The following CHMP1A variants were observed in gnomAD, a reference collection of about 807,000 sequenced individuals.
CHMP1A encodes charged multivesicular body protein 1A, also known as VPS46 homolog A.
A neutral mutation model predicts 27.0 loss-of-function variants in CHMP1A; 17 were observed. The ratio of observed to expected loss-of-function variants is 0.63; its 90% confidence interval spans 0.43 to 0.95. The LOEUF (loss-of-function observed/expected upper bound fraction) is 0.95, where lower values mean the gene tolerates loss of function less well. Among genes scored for constraint, CHMP1A ranks in the 40% least tolerant of loss-of-function variants. The pLI is 0.00. For missense variants in CHMP1A, 275 were observed against 264.0 expected, an observed-to-expected ratio of 1.04 and a Z score of -0.29; for synonymous variants, 131 against 107.5, an observed-to-expected ratio of 1.22 and a Z score of -1.35.
At chr16:89,655,004 C>G (rs930191041) in intron 1 of CHMP1A, among the ~76,000 whole-genome samples, 10 of 152,082 alleles carry the variant, frequency 6.6e-5, no homozygotes, top group Non-Finnish European at 1.3e-4. Flanking sequence ...CATTCAACTG[C>G]TAAATTTGGA....
At chr16:89,653,955 G>T in intron 1 of CHMP1A, 32 bp from the exon 2 acceptor site, 1 of 1,611,514 alleles carries the variant, frequency 6.2e-7, no homozygotes, top group South Asian at 1.1e-5. Flanking sequence ...ATGGTTTGAG[G>T]ATTGGGAATG....
rs950432245 is a variant in CHMP1A at position 89,645,178 on chromosome 16, G to A, written c.*888C>T. On this transcript the variant is annotated 3_prime_UTR_variant, in exon 7 of 7. Coordinates refer to ENST00000397901, the MANE Select transcript of CHMP1A (RefSeq NM_002768.5). ...CACCCAGTTGTTTACAGATGGTAGA[G>A]GGTGACACAGGCAGCATCGTCATGA... 6.6e-6 allele frequency: 1 copy of A among 152,450 alleles called. No homozygotes were observed. Among genetic ancestry groups the A allele is most frequent in the African/African-American group, 2.4e-5 (1 of 41,472 alleles). 9.4% of individuals were successfully genotyped at this position (152,450 alleles called of 1,614,324 possible).
rs767569515 is a variant in CHMP1A at position 89,649,359 on chromosome 16, T to C, written c.244A>G (p.Met82Val). The C allele has an allele frequency of 1.9e-6, 3 of 1,611,962 alleles. No homozygotes were observed. Among genetic ancestry groups the C allele is most frequent in the East Asian group, 4.5e-5 (2 of 44,788 alleles). ...CAGGGCCCAGCACTCACCCCCTTCA[T>C]AGTCACAGCTGTCTGCACCTTGGAG... Reference protein sequence around the residue: ...VASKVQTAVTMKGVTKNMAQV... With the variant: ...VASKVQTAVTVKGVTKNMAQV... Residue 82 changes from methionine to valine, a missense_variant, in exon 4 of 7, where the codon ATG becomes GTG. Transcript: ENST00000397901.
Position 89,646,089 on chromosome 16 carries a change from T to C in CHMP1A, c.570-2A>G. The stretch of plus-strand genomic sequence containing the variant: ...GGCTAGTTCCTCAAGGCGGCCAACC[T>C]GGAAACCAACAACAGGACTCGGGTC... On this transcript the variant is annotated splice_acceptor_variant, in intron 6 of 6. Coordinates refer to ENST00000397901, the MANE Select transcript of CHMP1A (RefSeq NM_002768.5). LOFTEE classifies it high-confidence loss of function. The C allele has an allele frequency of 6.5e-7, 1 of 1,542,268 alleles. No homozygotes were observed. The highest frequency in any genetic ancestry group is 8.7e-7 in the Non-Finnish European group (1 of 1,144,746).
intron 1 of CHMP1A, among the ~76,000 whole-genome samples, chr16:89,654,265 A>G (rs1371423618): frequency 3.9e-5 from 6 of 152,256 alleles, no homozygotes; most frequent in Admixed American, 3.9e-4. Flanking sequence ...GTTAGAATCC[A>G]AAAGATGGTG....
chr16:89,646,031 A>T lies in CHMP1A; in HGVS notation c.*35T>A. The T allele has an allele frequency of 6.2e-7, 1 of 1,602,006 alleles. No individual in the cohort carries two copies. The highest frequency in any genetic ancestry group is 1.3e-5 in the African/African-American group (1 of 74,470). The stretch of plus-strand genomic sequence containing the variant: ...GAGGACAGGAGCCTTCCAGCACATC[A>T]CGGGGCAGAGGCGGTGCACACCGGC... On this transcript the variant is annotated 3_prime_UTR_variant, in exon 7 of 7. Coordinates refer to ENST00000397901, the MANE Select transcript of CHMP1A (RefSeq NM_002768.5).
intron 1 of CHMP1A, 54 bp downstream of exon 1, chr16:89,657,528 A>C (rs2151520649): frequency 6.2e-7 from 1 of 1,602,880 alleles, no homozygotes; most frequent in East Asian, 2.3e-5. Context: ...CGCCAGTGGG[A>C]GAAGCGGCCC....
chr16:89,646,182 G>A lies in CHMP1A; in HGVS notation c.570-95C>T, dbSNP rs966429467. On this transcript the variant is annotated intron_variant, in intron 6 of 6. Transcript: ENST00000397901. ...ACAGGTGACCCTTTTCCTCCTCAGTGTCCTGAGATAACATGAGTGACAGGC... is the reference window on the plus strand; with the variant it reads ...ACAGGTGACCCTTTTCCTCCTCAGTATCCTGAGATAACATGAGTGACAGGC... 23 of 1,163,120 alleles carry A rather than the reference G, an allele frequency of 2.0e-5. No homozygotes were observed. In the Admixed American group the frequency reaches 6.0e-4, roughly 31 times the overall value. 72.0% of individuals were successfully genotyped at this position (1,163,120 alleles called of 1,614,324 possible). A position where few individuals can be genotyped will look rare whatever the true frequency, so the allele number is the denominator to read the frequency against.
chr16:89,645,768 C>T lies in CHMP1A; in HGVS notation c.*298G>A, dbSNP rs115335995. 5.5e-4 allele frequency: 381 copies of T among 698,254 alleles called. 2 individuals carry two copies. The African/African-American group carries it at 6.3e-3, about 12-fold the overall frequency. The allele number at this position is 698,254 out of a possible 1,614,324, so 43.3% of individuals were successfully genotyped here. Reference sequence around the variant, plus strand: ...GTCTGCTGCCCCAGAGTCTGAAGGCCCCCACAGTGCTGGGTGAAAGTCCAC... The same window carrying T: ...GTCTGCTGCCCCAGAGTCTGAAGGCTCCCACAGTGCTGGGTGAAAGTCCAC... On this transcript the variant is annotated 3_prime_UTR_variant, in exon 7 of 7. Transcript: ENST00000397901.
intron 3 of CHMP1A, among the ~76,000 whole-genome samples, chr16:89,651,278 C>T (rs996635340): frequency 2.0e-5 from 3 of 150,812 alleles, no homozygotes; most frequent in African/African-American, 7.3e-5. Flanking sequence ...GGCGAAGGCC[C>T]TAGAATCACT....
At chr16:89,654,924 C>T (rs1009875949) in intron 1 of CHMP1A, among the ~76,000 whole-genome samples, 11 of 149,096 alleles carry the variant, frequency 7.4e-5, no homozygotes, top group African/African-American at 2.7e-4. Context: ...GCCTGGGCAA[C>T]AGTGCAAGAC....
chr16:89,649,313 C>G (rs376164382), intron 4 of CHMP1A, 38 bp downstream of exon 4: 3 of 1,596,438 alleles, frequency 1.9e-6, no homozygotes, highest in African/African-American at 2.7e-5. Flanking sequence ...CTTCAGCCAG[C>G]GAACGCCACC....
rs371305175 is a variant in CHMP1A at position 89,651,593 on chromosome 16, C to G, written c.81G>C (p.Lys27Asn). Residue 27 changes from lysine (K) to asparagine (N), a missense_variant, in exon 3 of 7, where the codon AAG (lysine) becomes AAC (asparagine). By Grantham distance (94) the Lys-to-Asn change is moderately conservative. Coordinates refer to ENST00000397901, the MANE Select transcript of CHMP1A (RefSeq NM_002768.5). ...CCTTCTTCACTTTGGCCTGCTCCGC[C>G]TTGGAGTCCTTCTCCGCCTTCTTGG... is the stretch of plus-strand genomic sequence containing the variant. ...KLAKKAEKDS[K>N]AEQAKVKKAL... is the part of the protein sequence containing the mutation. 6.1e-5 allele frequency: 99 copies of G among 1,613,688 alleles called. No individual in the cohort carries two copies. The highest frequency in any genetic ancestry group is 8.2e-5 in the Non-Finnish European group (97 of 1,179,848).
Position 89,646,096 on chromosome 16 carries a change from C to A in CHMP1A, c.570-9G>T. 6.5e-7 allele frequency: 1 copy of A among 1,542,260 alleles called. No individual in the cohort carries two copies. The highest frequency in any genetic ancestry group is 8.7e-7 in the Non-Finnish European group (1 of 1,144,768). ...TCCTCAAGGCGGCCAACCTGGAAACCAACAACAGGACTCGGGTCAGGGCAG... is the reference window on the plus strand; with the variant it reads ...TCCTCAAGGCGGCCAACCTGGAAACAAACAACAGGACTCGGGTCAGGGCAG... On this transcript the variant is annotated splice_polypyrimidine_tract_variant and intron_variant, in intron 6 of 6. Coordinates refer to ENST00000397901, the MANE Select transcript of CHMP1A (RefSeq NM_002768.5).
At chr16:89,653,359 G>A (rs112783727) in intron 2 of CHMP1A, among the ~76,000 whole-genome samples, 21,301 of 145,626 alleles carry the variant, frequency 0.15, 1,664 homozygotes, top group South Asian at 0.25. Context: ...AGTGGCTCAC[G>A]CCTGTAATCC....
chr16:89,649,809 C>T (rs1460198918), intron 3 of CHMP1A, among the ~76,000 whole-genome samples: 2 of 152,354 alleles, frequency 1.3e-5, no homozygotes, highest in African/African-American at 2.4e-5. Flanking sequence ...ATCTCCTGAC[C>T]TCGTGATCTG....
In CHMP1A at chr16:89,646,873, G is replaced by A. The variant is rs949381167; in HGVS notation, c.382-159C>T. 1.1e-5 allele frequency: 11 copies of A among 1,041,650 alleles called. No individual in the cohort carries two copies. In the Middle Eastern group the frequency reaches 1.2e-3, roughly 117 times the overall value. The allele number at this position is 1,041,650 out of a possible 1,614,324, so 64.5% of individuals were successfully genotyped here. A position where few individuals can be genotyped will look rare whatever the true frequency, so the allele number is the denominator to read the frequency against. On this transcript the variant is annotated intron_variant, in intron 5 of 6. Coordinates refer to ENST00000397901, the MANE Select transcript of CHMP1A (RefSeq NM_002768.5). Reference sequence around the variant, plus strand: ...CTCTCTCTGTCTCACCTTCCACCAGGAGCCTTTCCTGCCCCCCCACCCAGC... The same window carrying A: ...CTCTCTCTGTCTCACCTTCCACCAGAAGCCTTTCCTGCCCCCCCACCCAGC...
chr16:89,651,463 C>T (rs772440021), intron 3 of CHMP1A, 106 bp downstream of exon 3: 366 of 836,570 alleles, frequency 4.4e-4, no homozygotes, highest in Non-Finnish European at 5.2e-4. Flanking sequence ...AAGTGCCCTG[C>T]CCCTCCCCAA....
Position 89,645,845 on chromosome 16 carries a change from C to A in CHMP1A, c.*221G>T. The A allele has an allele frequency of 6.8e-7, 1 of 1,470,716 alleles. No homozygotes were observed. Among genetic ancestry groups the A allele is most frequent in the African/African-American group, 1.4e-5 (1 of 70,900 alleles). 91.1% of individuals were successfully genotyped at this position (1,470,716 alleles called of 1,614,324 possible). A position where few individuals can be genotyped will look rare whatever the true frequency, so the allele number is the denominator to read the frequency against. On this transcript the variant is annotated 3_prime_UTR_variant, in exon 7 of 7. Coordinates refer to ENST00000397901, the MANE Select transcript of CHMP1A (RefSeq NM_002768.5). Reference sequence around the variant, plus strand: ...GGGCCCAGAGTCACAGAAATCACCCCCAGAAATTTGCAGAAACTCAACACC... The same window carrying A: ...GGGCCCAGAGTCACAGAAATCACCCACAGAAATTTGCAGAAACTCAACACC...
Sources: allele counts gnomAD v4.1 joint callset (sites outside exome capture counted in the v4.1 genomes callset), GRCh38; gene constraint gnomAD v4.1.1; transcripts MANE v1.5; gene names NCBI Gene and HGNC (gene_info 2026-07-23, HGNC 2026-07-21).